PCDHGA4: variants seen among roughly 807,000 people sequenced by gnomAD.
PCDHGA4 encodes the protein protocadherin gamma subfamily A, 4, also known as protocadherin gamma-A4.
A neutral mutation model predicts 54.6 loss-of-function variants in PCDHGA4; 38 were observed. That is an observed-to-expected ratio of 0.70 (90% CI 0.54 to 0.91). PCDHGA4 has a LOEUF of 0.91. Among genes scored for constraint, PCDHGA4 ranks in the 40% least tolerant of loss-of-function variants. PCDHGA4 has a pLI of 0.00. For missense variants in PCDHGA4, 1,298 were observed against 1,220.9 expected (o/e 1.06, Z -0.94); for synonymous variants, 511 against 512.9 (o/e 1.00, Z 0.05).
intron 1 of PCDHGA4, 168 bp downstream of exon 1, chr5:141,357,789 C>A: frequency 1.2e-6 from 1 of 838,664 alleles, no homozygotes; most frequent in Non-Finnish European, 1.8e-6. Context: ...ACAGTATTTA[C>A]CACACAAAAA....
At position 141,363,034 on chromosome 5, in the gene PCDHGA4, A is replaced by T. The variant is rs1762782534; in HGVS notation, c.2514+5413A>T. On this transcript the variant is annotated intron_variant, in intron 1 of 3. Coordinates refer to ENST00000571252, the MANE Select transcript of PCDHGA4 (RefSeq NM_018917.4). ...GCATGGGTAGGACATTGTCCCATTG[A>T]CTTGAAGACCAACACTCAGTAAGCT... Among the ~76,000 whole-genome samples, 3 of 152,256 alleles carry T rather than the reference A, an allele frequency of 2.0e-5. No individual in the cohort carries two copies. In the South Asian group the frequency reaches 6.2e-4, roughly 31 times the overall value.
chr5:141,473,796 G>A (rs2099328996), intron 1 of PCDHGA4, among the ~76,000 whole-genome samples: 1 of 152,224 alleles, frequency 6.6e-6, no homozygotes, highest in African/African-American at 2.4e-5. Context: ...GCAGTATGAT[G>A]CTACTGAGGA....
At chr5:141,374,687 C>A in intron 1 of PCDHGA4, 1 of 1,609,446 alleles carries the variant, frequency 6.2e-7, no homozygotes, top group Non-Finnish European at 8.5e-7. Flanking sequence ...CACACTGGAC[C>A]GGGAAGGAGA....
At chr5:141,400,264 C>G (rs1184804812) in intron 1 of PCDHGA4, 2 of 1,614,058 alleles carry the variant, frequency 1.2e-6, no homozygotes. Context: ...GCGCCTGCGA[C>G]GCTCCTCCAG....
intron 1 of PCDHGA4, chr5:141,395,188 T>C (rs1188356077): frequency 6.2e-7 from 1 of 1,614,128 alleles, no homozygotes; most frequent in East Asian, 2.2e-5. Flanking sequence ...GATTCTTTGT[T>C]AACATCCGTA....
chr5:141,429,751 A>AT (rs2097241304), intron 1 of PCDHGA4, among the ~76,000 whole-genome samples: 1 of 152,110 alleles, frequency 6.6e-6, no homozygotes, highest in African/African-American at 2.4e-5. Flanking sequence ...CTTAGGGAGA[A>AT]TTTTTTCCCT....
chr5:141,377,114 GA>G (rs1209005663), intron 1 of PCDHGA4: 4 of 152,232 alleles, frequency 2.6e-5, no homozygotes, highest in African/African-American at 9.7e-5. Flanking sequence ...AGAATGTTCT[GA>G]AGTCTTAATT....
chr5:141,397,273 T>C (rs1324330524), intron 1 of PCDHGA4, among the ~76,000 whole-genome samples: 5 of 152,184 alleles, frequency 3.3e-5, no homozygotes, highest in Non-Finnish European at 1.5e-5. Flanking sequence ...CTACATCATA[T>C]GGGCAGTATA....
intron 1 of PCDHGA4, chr5:141,413,170 A>T (rs751830095): frequency 6.3e-7 from 1 of 1,595,602 alleles, no homozygotes; most frequent in South Asian, 1.1e-5. Context: ...CTGTAACCAG[A>T]CTACAATGGC....
Position 141,389,722 on chromosome 5 carries a change from G to C in PCDHGA4, c.2514+32101G>C, listed in dbSNP as rs141134077. 15,348 of 1,612,674 alleles carry C rather than the reference G, an allele frequency of 9.5e-3. 102 individuals are homozygous for C. The highest frequency in any genetic ancestry group is 0.028 in the Middle Eastern group (161 of 5,786). On this transcript the variant is annotated intron_variant, in intron 1 of 3. Coordinates refer to ENST00000571252, the MANE Select transcript of PCDHGA4 (RefSeq NM_018917.4). ...CACGTGCTGCAGGCTAGCGAGCCCG[G>C]GCTCTTCAGCCTGGGGCTGCGCACG...
In PCDHGA4 at chr5:141,476,599, TC is replaced by T; in HGVS notation, c.2515-18205del. The T allele has an allele frequency of 6.2e-7, 1 of 1,614,210 alleles. No individual in the cohort carries two copies. ...GCTTTCCGCTCGAGAGCGCGCACGA[TC>T]CCGATGTGGGAAGCAACTCTTTACA... is the stretch of plus-strand genomic sequence containing the variant. On this transcript the variant is annotated intron_variant, in intron 1 of 3. Transcript: ENST00000571252. This position sits in a 1 kb window ranked among gnomAD's most constrained non-coding sequence, Gnocchi z 7.6.
chr5:141,367,849 G>A (rs903459046), intron 1 of PCDHGA4: 3 of 152,008 alleles, frequency 2.0e-5, no homozygotes, highest in Admixed American at 1.3e-4. Flanking sequence ...TGCAATGTTA[G>A]CGTTTCTTTA....
At chr5:141,408,070 T>C (rs1413400462) in intron 1 of PCDHGA4, 3 of 1,381,930 alleles carry the variant, frequency 2.2e-6, no homozygotes, top group Non-Finnish European at 2.9e-6. Context: ...TGCGCAGACC[T>C]TTCCCAGCAC....
chr5:141,421,400 G>A (rs2096569762), intron 1 of PCDHGA4: 1 of 1,614,060 alleles, frequency 6.2e-7, no homozygotes, highest in Non-Finnish European at 8.5e-7. Context: ...CTGGAGCCCC[G>A]GGAGCTGGCG....
intron 1 of PCDHGA4, chr5:141,394,839 G>A (rs1190397731): frequency 6.2e-7 from 1 of 1,613,834 alleles, no homozygotes; most frequent in Non-Finnish European, 8.5e-7. Context: ...GACCGAGTTG[G>A]GCAGTCTGAA....
intron 1 of PCDHGA4, chr5:141,421,470 A>T: frequency 2.5e-6 from 4 of 1,614,130 alleles, no homozygotes; most frequent in Non-Finnish European, 3.4e-6. Context: ...TGAATCCGCG[A>T]AGCGGCAGCT....
At chr5:141,413,080 A>G (rs2095603656) in intron 1 of PCDHGA4, 3 of 1,298,546 alleles carry the variant, frequency 2.3e-6, no homozygotes, top group Non-Finnish European at 3.2e-6. Context: ...TGCCCAGGCT[A>G]CAGAGACACC....
Position 141,431,432 on chromosome 5 carries a change from AC to A in PCDHGA4, c.2515-63373del. 2 of 1,613,692 alleles carry A rather than the reference AC, an allele frequency of 1.2e-6. No individual in the cohort carries two copies. Among genetic ancestry groups the A allele is most frequent in the Non-Finnish European group, 1.7e-6 (2 of 1,180,026 alleles). On this transcript the variant is annotated intron_variant, in intron 1 of 3. Transcript: ENST00000571252. The surrounding 1 kb of genome is among the most constrained non-coding windows in gnomAD (Gnocchi z 4.8). ...CGGGGGCGACCCGGTGCGCACAGGC[AC>A]CGCGCGCATCCGCGTGATGGTTCTG... is the stretch of plus-strand genomic sequence containing the variant.
chr5:141,361,652 C>T (rs1226356152), intron 1 of PCDHGA4: 16 of 1,613,788 alleles, frequency 9.9e-6, no homozygotes, highest in East Asian at 2.2e-5. Context: ...TCCTACGTGT[C>T]CGTGAGCGCG....
Sources: gnomAD v4.1 joint callset for allele counts (sites outside exome capture counted in the v4.1 genomes callset) on GRCh38, gnomAD v4.1.1 for gene constraint, Gnocchi (gnomAD v3.1) non-coding constraint, MANE v1.5 for transcripts, NCBI Gene and HGNC (gene_info 2026-07-23, HGNC 2026-07-21) for gene names.